Variants in TRAPPC9 observed in about 807,000 individuals in gnomAD.
TRAPPC9 encodes the protein trafficking protein particle complex subunit 9.
Under a neutral mutation model 124.0 loss-of-function variants are expected in TRAPPC9, and 83 were observed. The observed-to-expected ratio is 0.67, with a 90% CI of 0.56 to 0.80. The LOEUF (loss-of-function observed/expected upper bound fraction) is 0.80. Ranked by LOEUF, TRAPPC9 falls within the 30% of genes least tolerant of loss-of-function variation. The pLI is 0.00. For missense variants in TRAPPC9, 1,302 were observed against 1,508.3 expected (o/e 0.86, Z 2.27); for synonymous variants, 638 against 617.5 (o/e 1.03, Z -0.49).
intron 17 of TRAPPC9, among the ~76,000 whole-genome samples, chr8:140,052,439 C>A (rs1033187645): frequency 6.6e-6 from 1 of 152,074 alleles, no homozygotes; most frequent in African/African-American, 2.4e-5. Flanking sequence ...GAATTTGAGA[C>A]CAGCCTGGGC....
At chr8:139,864,920 G>C (rs1828424434) in intron 21 of TRAPPC9, among the ~76,000 whole-genome samples, 2 of 152,166 alleles carry the variant, frequency 1.3e-5, no homozygotes, top group Admixed American at 1.3e-4. Context: ...CAGGTCCAAG[G>C]GTGACGCCAT....
At chr8:140,426,367 C>G (rs973785348) in intron 5 of TRAPPC9, among the ~76,000 whole-genome samples, 5 of 152,204 alleles carry the variant, frequency 3.3e-5, no homozygotes, top group Non-Finnish European at 4.4e-5. Context: ...GCACAATTCT[C>G]AAATCATTCA....
intron 17 of TRAPPC9, among the ~76,000 whole-genome samples, chr8:140,033,804 C>A (rs1840705877): frequency 6.7e-6 from 1 of 149,940 alleles, no homozygotes; most frequent in Admixed American, 6.7e-5. Flanking sequence ...GCCTCAGCCT[C>A]TTGAGTAGCT....
At chr8:140,088,162 T>C (rs776345027) in intron 17 of TRAPPC9, among the ~76,000 whole-genome samples, 82 of 152,246 alleles carry the variant, frequency 5.4e-4, no homozygotes, top group Non-Finnish European at 9.0e-4. Context: ...AGCTATTTGA[T>C]TTATTTGTTC....
chr8:140,201,068 T>G (rs1457646264), intron 17 of TRAPPC9, among the ~76,000 whole-genome samples: 1 of 152,222 alleles, frequency 6.6e-6, no homozygotes, highest in African/African-American at 2.4e-5. Context: ...TAACGCCGGA[T>G]GCAGGGCTCA....
At chr8:140,200,901 A>G (rs2062772978) in intron 17 of TRAPPC9, among the ~76,000 whole-genome samples, 1 of 152,234 alleles carries the variant, frequency 6.6e-6, no homozygotes, top group Non-Finnish European at 1.5e-5. Flanking sequence ...GAGAAAACTG[A>G]TATGAGGGAT....
At chr8:139,959,665 C>T (rs1005848114) in intron 19 of TRAPPC9, among the ~76,000 whole-genome samples, 3 of 152,170 alleles carry the variant, frequency 2.0e-5, no homozygotes, top group South Asian at 2.1e-4. Context: ...GAGAACCCAG[C>T]GACCAGGACC....
intron 18 of TRAPPC9, among the ~76,000 whole-genome samples, chr8:140,003,270 C>T (rs1472884046): frequency 6.6e-6 from 1 of 152,038 alleles, no homozygotes; most frequent in African/African-American, 2.4e-5. Context: ...CAATGTCATT[C>T]ATCACTAAGA....
intron 18 of TRAPPC9, among the ~76,000 whole-genome samples, chr8:140,000,925 A>G (rs1298693203): frequency 3.9e-5 from 6 of 152,216 alleles, no homozygotes; most frequent in African/African-American, 9.7e-5. Flanking sequence ...CTAAAGACAC[A>G]TGCACACGTA....
intron 17 of TRAPPC9, among the ~76,000 whole-genome samples, chr8:140,070,418 C>T (rs999072364): frequency 2.0e-5 from 3 of 152,156 alleles, no homozygotes; most frequent in East Asian, 1.9e-4. Flanking sequence ...GTAAAAAAAT[C>T]CATGCATATA....
At chr8:140,029,737 A>C (rs1840388710) in intron 17 of TRAPPC9, among the ~76,000 whole-genome samples, 1 of 151,688 alleles carries the variant, frequency 6.6e-6, no homozygotes, top group Admixed American at 6.6e-5. Flanking sequence ...TATCAATTTT[A>C]TATAATAAAC....
At chr8:139,827,524 C>A (rs1825720853) in intron 21 of TRAPPC9, among the ~76,000 whole-genome samples, 1 of 152,204 alleles carries the variant, frequency 6.6e-6, no homozygotes, top group Admixed American at 6.5e-5. Context: ...GCGTTGGCTT[C>A]CCCGGGAGCT....
intron 17 of TRAPPC9, among the ~76,000 whole-genome samples, chr8:140,149,207 A>G (rs899468272): frequency 2.0e-5 from 3 of 152,122 alleles, no homozygotes; most frequent in Admixed American, 1.3e-4. Context: ...GCAGACAAGG[A>G]CTAATGAGTC....
intron 1 of TRAPPC9, among the ~76,000 whole-genome samples, chr8:140,453,841 G>A (rs1370814456): frequency 6.6e-6 from 1 of 152,178 alleles, no homozygotes; most frequent in Non-Finnish European, 1.5e-5. Flanking sequence ...AAACCCCTCG[G>A]AGGACATATC....
intron 17 of TRAPPC9, among the ~76,000 whole-genome samples, chr8:140,129,976 C>A (rs542713875): frequency 3.3e-5 from 5 of 152,284 alleles, no homozygotes; most frequent in East Asian, 3.9e-4. Flanking sequence ...GAATCAGGGC[C>A]CCTGGAGAGA....
intron 5 of TRAPPC9, among the ~76,000 whole-genome samples, chr8:140,410,882 C>G (rs545403820): frequency 6.6e-6 from 1 of 150,888 alleles, no homozygotes; most frequent in Admixed American, 6.6e-5. Context: ...TATAAAACAG[C>G]AACTCAAAGA....
At chr8:139,974,680 G>A (rs532810067) in intron 19 of TRAPPC9, among the ~76,000 whole-genome samples, 1 of 152,112 alleles carries the variant, frequency 6.6e-6, no homozygotes, top group Non-Finnish European at 1.5e-5. Context: ...AGGGAGGTGA[G>A]GCACACCCCA....
chr8:140,277,725 A>T (rs182737438), intron 14 of TRAPPC9, among the ~76,000 whole-genome samples: 2 of 152,116 alleles, frequency 1.3e-5, no homozygotes, highest in Non-Finnish European at 2.9e-5. Context: ...GGCAGCAGGG[A>T]CCCCACTCCA....
At chr8:140,388,270 C>T (rs910031668) in intron 7 of TRAPPC9, among the ~76,000 whole-genome samples, 8 of 148,762 alleles carry the variant, frequency 5.4e-5, no homozygotes, top group Non-Finnish European at 1.0e-4. Flanking sequence ...GGAGACATAC[C>T]TAATGTAAAT....
Sources: allele counts gnomAD v4.1 joint callset (sites outside exome capture counted in the v4.1 genomes callset), GRCh38; gene constraint gnomAD v4.1.1; transcripts MANE v1.5; gene names NCBI Gene and HGNC (gene_info 2026-07-23, HGNC 2026-07-21).